The following KCNB2 variants were observed in gnomAD, a reference collection of about 807,000 sequenced individuals.
KCNB2 encodes the protein delayed rectifier potassium channel protein.
A neutral mutation model predicts 61.5 loss-of-function variants in KCNB2; 15 were observed. That is an observed-to-expected ratio of 0.24 (90% confidence interval 0.16 to 0.38). The LOEUF (loss-of-function observed/expected upper bound fraction) is 0.38, where lower values mean the gene tolerates loss of function less well. KCNB2 is among the 10% of genes least tolerant of loss of function. The pLI is 1.00. For synonymous variants in KCNB2, 457 were observed against 446.0 expected (o/e 1.02, Z -0.31); for missense variants, 828 against 1,125.2 (o/e 0.74, Z 3.78).
At chr8:72,893,736 A>G (rs917084023) in intron 2 of KCNB2, among the ~76,000 whole-genome samples, 1 of 152,196 alleles carries the variant, frequency 6.6e-6, no homozygotes, top group African/African-American at 2.4e-5. Context: ...TTCAACACAG[A>G]TGTTTGTTGT....
intron 2 of KCNB2, among the ~76,000 whole-genome samples, chr8:72,682,593 TAA>T (rs775865289): frequency 3.8e-4 from 50 of 133,268 alleles, no homozygotes; most frequent in Middle Eastern, 3.8e-3. Flanking sequence ...AAGTTGAATT[TAA>T]AAAAAAAAAA....
chr8:72,824,604 C>A (rs1809567508), intron 2 of KCNB2, among the ~76,000 whole-genome samples: 1 of 152,196 alleles, frequency 6.6e-6, no homozygotes, highest in South Asian at 2.1e-4. Flanking sequence ...CCCGAAACTG[C>A]AAATGCAGGC....
chr8:72,725,200 A>G (rs376338773), intron 2 of KCNB2, among the ~76,000 whole-genome samples: 3 of 152,138 alleles, frequency 2.0e-5, no homozygotes, highest in African/African-American at 4.8e-5. Flanking sequence ...TGAAATTTTC[A>G]TATCTTGATT....
chr8:72,668,009 T>A (rs1293499606), intron 2 of KCNB2, among the ~76,000 whole-genome samples: 1 of 152,188 alleles, frequency 6.6e-6, no homozygotes, highest in Non-Finnish European at 1.5e-5. Context: ...CTTAGAAAAC[T>A]AGTTGTACTC....
At chr8:72,649,880 C>A (rs74463589) in intron 2 of KCNB2, among the ~76,000 whole-genome samples, 1 of 152,096 alleles carries the variant, frequency 6.6e-6, no homozygotes, top group East Asian at 1.9e-4. Flanking sequence ...TAAATTGCAA[C>A]CGAAAGGATG....
chr8:72,916,255 T>C (rs1245836034), intron 2 of KCNB2, among the ~76,000 whole-genome samples: 3 of 152,152 alleles, frequency 2.0e-5, no homozygotes, highest in African/African-American at 7.2e-5. Flanking sequence ...AGATTATTGA[T>C]TATAAGGGAG....
chr8:72,833,849 G>T (rs1156863165), intron 2 of KCNB2, among the ~76,000 whole-genome samples: 16 of 152,194 alleles, frequency 1.1e-4, no homozygotes, highest in African/African-American at 3.9e-4. Context: ...AATGAAGGCA[G>T]AAGAAGACAG....
At chr8:72,656,508 A>G (rs186004101) in intron 2 of KCNB2, among the ~76,000 whole-genome samples, 1 of 152,312 alleles carries the variant, frequency 6.6e-6, no homozygotes, top group Non-Finnish European at 1.5e-5. Flanking sequence ...AAAGGCTTTC[A>G]TTGTAATGTT....
intron 2 of KCNB2, among the ~76,000 whole-genome samples, chr8:72,933,958 A>ACACTGCACTT (rs1395612560): frequency 1.3e-5 from 2 of 152,234 alleles, no homozygotes; most frequent in Non-Finnish European, 2.9e-5. Context: ...TAATAATAAA[A>ACACTGCACTT]CACTGCACTT....
chr8:72,656,914 C>T (rs1806301284), intron 2 of KCNB2, among the ~76,000 whole-genome samples: 2 of 152,168 alleles, frequency 1.3e-5, no homozygotes, highest in Admixed American at 1.3e-4. Context: ...CATTGTGTTG[C>T]CTGAGACAGA....
chr8:72,872,884 A>G (rs564571531), intron 2 of KCNB2, among the ~76,000 whole-genome samples: 1 of 152,310 alleles, frequency 6.6e-6, no homozygotes, highest in South Asian at 2.1e-4. Context: ...CTGTCCTACT[A>G]TCCTGAATCT....
chr8:72,701,532 C>T (rs1807125608), intron 2 of KCNB2, among the ~76,000 whole-genome samples: 1 of 102,860 alleles, frequency 9.7e-6, no homozygotes, highest in Admixed American at 9.1e-5. Flanking sequence ...TACACCTGTC[C>T]CTTTATGTAG....
intron 2 of KCNB2, among the ~76,000 whole-genome samples, chr8:72,587,596 G>A (rs1807020062): frequency 6.6e-6 from 1 of 152,076 alleles, no homozygotes; most frequent in African/African-American, 2.4e-5. Context: ...TGGGTATGGT[G>A]TCCTGTGCCT....
chr8:72,655,747 CTG>C (rs1451853780), intron 2 of KCNB2, among the ~76,000 whole-genome samples: 1 of 152,082 alleles, frequency 6.6e-6, no homozygotes, highest in Non-Finnish European at 1.5e-5. Context: ...ATGATTAAGA[CTG>C]TGAATAGAAA....
chr8:72,922,099 C>A (rs948769674), intron 2 of KCNB2, among the ~76,000 whole-genome samples: 1 of 152,132 alleles, frequency 6.6e-6, no homozygotes, highest in African/African-American at 2.4e-5. Context: ...TCTGAATGTG[C>A]TAGAAAAGAA....
intron 2 of KCNB2, among the ~76,000 whole-genome samples, chr8:72,811,800 G>T (rs894963718): frequency 1.3e-5 from 2 of 152,310 alleles, no homozygotes; most frequent in South Asian, 4.1e-4. Context: ...GCTGAACAGG[G>T]TGGCCAAATG....
chr8:72,872,326 T>C (rs1805631848), intron 2 of KCNB2, among the ~76,000 whole-genome samples: 1 of 152,238 alleles, frequency 6.6e-6, no homozygotes, highest in African/African-American at 2.4e-5. Context: ...CAAATAGCTC[T>C]GTCAGAAAAG....
At chr8:72,819,085 A>G (rs931434590) in intron 2 of KCNB2, among the ~76,000 whole-genome samples, 2 of 152,174 alleles carry the variant, frequency 1.3e-5, no homozygotes, top group Non-Finnish European at 2.9e-5. Context: ...GTAAATTCAG[A>G]GACAAAGCCA....
At chr8:72,551,219 T>C (rs554107890) in intron 1 of KCNB2, among the ~76,000 whole-genome samples, 1 of 152,324 alleles carries the variant, frequency 6.6e-6, no homozygotes, top group East Asian at 1.9e-4. Flanking sequence ...TTTTTTGTTG[T>C]TGTTGTTGTT....
Sources: gnomAD v4.1 joint callset for allele counts (sites outside exome capture counted in the v4.1 genomes callset) on GRCh38, gnomAD v4.1.1 for gene constraint, MANE v1.5 for transcripts, NCBI Gene and HGNC (gene_info 2026-07-23, HGNC 2026-07-21) for gene names.